Variants in FAT3 observed in about 807,000 individuals in gnomAD.
FAT3 encodes the protein protocadherin Fat 3.
A neutral mutation model predicts 310.2 loss-of-function variants in FAT3; 95 were observed. The ratio of observed to expected loss-of-function variants is 0.31; its 90% CI spans 0.26 to 0.36. FAT3 has a LOEUF of 0.36. Among genes scored for constraint, FAT3 ranks in the 10% least tolerant of loss-of-function variants. The pLI is 1.00. For missense variants in FAT3, 5,408 were observed against 5,715.6 expected, an observed-to-expected ratio of 0.95 and a Z score of 1.74; for synonymous variants, 2,314 against 2,192.9, an observed-to-expected ratio of 1.06 and a Z score of -1.54.
intron 3 of FAT3, among the ~76,000 whole-genome samples, chr11:92,576,883 G>A (rs546491134): frequency 7.6e-6 from 1 of 130,794 alleles, no homozygotes; most frequent in East Asian, 2.2e-4. Context: ...AATCACATAA[G>A]AGAGCTAGAT....
chr11:92,882,659 C>A (rs1409472190), intron 23 of FAT3, 79 bp from the exon 24 acceptor site: 1 of 1,225,472 alleles, frequency 8.2e-7, no homozygotes, highest in Non-Finnish European at 1.1e-6. Flanking sequence ...TTAAAGATGT[C>A]TGTGTTTTCT....
intron 4 of FAT3, among the ~76,000 whole-genome samples, chr11:92,710,357 G>C (rs1017356830): frequency 1.3e-5 from 2 of 152,158 alleles, no homozygotes; most frequent in South Asian, 4.1e-4. Flanking sequence ...ATGGTATATG[G>C]CATTCTTCTT....
rs1031011775 is a variant in FAT3, at chr11:92,430,752, C to T, written c.3292+75348C>T. On this transcript the variant is annotated intron_variant, in intron 2 of 27. Coordinates refer to ENST00000525166, the MANE Select transcript of FAT3 (RefSeq NM_001367949.2). ...TTCAATTCCCACCTATGAGTGAGAA[C>T]ATGCGATGTTTGGTTTTTTGTCCTT... Among the ~76,000 whole-genome samples, 5 of 102,048 alleles carry T rather than the reference C, an allele frequency of 4.9e-5. No individual in the cohort carries two copies. The South Asian group carries it at 2.1e-3, about 44-fold the overall frequency. The allele number at this position is 102,048 out of a possible 152,430, so 66.9% of individuals were successfully genotyped here. A position where few individuals can be genotyped will look rare whatever the true frequency, so the allele number is the denominator to read the frequency against.
chr11:92,376,001 G>T (rs575357563), intron 2 of FAT3, among the ~76,000 whole-genome samples: 1 of 152,280 alleles, frequency 6.6e-6, no homozygotes, highest in Admixed American at 6.5e-5. Flanking sequence ...CAATTATTAT[G>T]TTGTTTTTGG....
At chr11:92,774,498 A>T (rs906008139) in intron 7 of FAT3, among the ~76,000 whole-genome samples, 1 of 152,216 alleles carries the variant, frequency 6.6e-6, no homozygotes, top group Non-Finnish European at 1.5e-5. Context: ...GAGGACATCT[A>T]TATTGCTTGA....
At chr11:92,394,732 G>A (rs1949828548) in intron 2 of FAT3, among the ~76,000 whole-genome samples, 1 of 151,788 alleles carries the variant, frequency 6.6e-6, no homozygotes, top group African/African-American at 2.4e-5. Flanking sequence ...TTTTAAAATT[G>A]AATCTACAGT....
chr11:92,540,658 A>G (rs761681216), intron 3 of FAT3, among the ~76,000 whole-genome samples: 1 of 152,102 alleles, frequency 6.6e-6, no homozygotes, highest in Non-Finnish European at 1.5e-5. Flanking sequence ...AGTAGTGTTC[A>G]TGCAAGTTGT....
chr11:92,639,712 A>T (rs1368169391), intron 3 of FAT3, among the ~76,000 whole-genome samples: 1 of 152,084 alleles, frequency 6.6e-6, no homozygotes, highest in Non-Finnish European at 1.5e-5. Context: ...TATTCATTGT[A>T]TTGTGATTTT....
chr11:92,783,142 G>A (rs1464150541), intron 7 of FAT3, among the ~76,000 whole-genome samples: 14 of 151,048 alleles, frequency 9.3e-5, no homozygotes, highest in African/African-American at 1.5e-4. Flanking sequence ...GGGAGATCAC[G>A]AGGTCAGGAG....
intron 4 of FAT3, among the ~76,000 whole-genome samples, chr11:92,742,884 A>C (rs1945548260): frequency 6.6e-6 from 1 of 152,234 alleles, no homozygotes; most frequent in African/African-American, 2.4e-5. Context: ...TTTATGTTGA[A>C]TTAAGTGATC....
intron 1 of FAT3, among the ~76,000 whole-genome samples, chr11:92,276,810 G>A (rs1349471883): frequency 6.6e-6 from 1 of 152,164 alleles, no homozygotes; most frequent in Non-Finnish European, 1.5e-5. Flanking sequence ...GGGGTAGTTT[G>A]TTATGTGGCA....
At chr11:92,694,782 A>G (rs565103) in intron 3 of FAT3, among the ~76,000 whole-genome samples, 69,918 of 151,912 alleles carry the variant, frequency 0.46, 16,625 homozygotes, top group African/African-American at 0.49. Context: ...GCCTCAATAT[A>G]ACAAGCATGT....
chr11:92,714,936 G>A (rs749180208), intron 4 of FAT3, among the ~76,000 whole-genome samples: 1 of 151,798 alleles, frequency 6.6e-6, no homozygotes, highest in Admixed American at 6.6e-5. Context: ...TCATTAAAAA[G>A]AAAAGACTGT....
At chr11:92,849,028 C>T (rs757909505) in intron 19 of FAT3, among the ~76,000 whole-genome samples, 39 of 152,220 alleles carry the variant, frequency 2.6e-4, no homozygotes, top group Non-Finnish European at 4.6e-4. Context: ...GACCAGTTCG[C>T]ATGCTGTTTT....
chr11:92,568,899 G>A (rs1955571765), intron 3 of FAT3, among the ~76,000 whole-genome samples: 1 of 152,018 alleles, frequency 6.6e-6, no homozygotes, highest in East Asian at 1.9e-4. Context: ...TCAACCCTCT[G>A]GTCACTGTAT....
chr11:92,875,324 A>G lies in FAT3; in HGVS notation c.12128-5407A>G, dbSNP rs560199103. On this transcript the variant is annotated intron_variant, in intron 22 of 27. Coordinates refer to ENST00000525166, the MANE Select transcript of FAT3 (RefSeq NM_001367949.2). ...GGTTTGCAATCATAAGATCCTAGACAGTTTGCTGCTCTTTCTGATAAACAG... is the reference window on the plus strand; with the variant it reads ...GGTTTGCAATCATAAGATCCTAGACGGTTTGCTGCTCTTTCTGATAAACAG... Among the ~76,000 whole-genome samples the G allele has an allele frequency of 6.8e-5, 10 of 147,714 alleles. 1 individual carries two copies. The Admixed American group carries it at 6.9e-4, about 10-fold the overall frequency.
intron 3 of FAT3, among the ~76,000 whole-genome samples, chr11:92,628,316 ATG>A (rs2135692978): frequency 6.6e-6 from 1 of 152,276 alleles, no homozygotes; most frequent in South Asian, 2.1e-4. Flanking sequence ...CCTTTTTATA[ATG>A]TTAATTACCT....
chr11:92,618,655 C>T (rs1940937540), intron 3 of FAT3, among the ~76,000 whole-genome samples: 1 of 152,166 alleles, frequency 6.6e-6, no homozygotes, highest in African/African-American at 2.4e-5. Flanking sequence ...TGTTTCATTG[C>T]TAATGCATAT....
At chr11:92,339,153 T>C (rs905610344) in intron 1 of FAT3, among the ~76,000 whole-genome samples, 2 of 152,296 alleles carry the variant, frequency 1.3e-5, no homozygotes, top group Middle Eastern at 3.4e-3. Context: ...TTCAACAGTA[T>C]TGACATATTA....
Sources: gnomAD v4.1 joint callset for allele counts (sites outside exome capture counted in the v4.1 genomes callset) on GRCh38, gnomAD v4.1.1 for gene constraint, MANE v1.5 for transcripts, NCBI Gene and HGNC (gene_info 2026-07-23, HGNC 2026-07-21) for gene names.